Variants in NOTCH2 observed in about 807,000 individuals in gnomAD.
NOTCH2 encodes the protein notch receptor 2.
A neutral mutation model predicts 235.8 loss-of-function variants in NOTCH2; 29 were observed. That is an observed-to-expected ratio of 0.12 (90% CI 0.09 to 0.17). The LOEUF is 0.17. NOTCH2 is among the 10% of genes least tolerant of loss of function. The pLI, the probability that NOTCH2 is intolerant of heterozygous loss-of-function variation, is 1.00. For synonymous variants in NOTCH2, 1,086 were observed against 1,141.5 expected (o/e 0.95, Z 0.98); for missense variants, 2,285 against 3,150.2 (o/e 0.73, Z 6.57).
chr1:119,929,327 G>T (rs1301256385), intron 22 of NOTCH2, 115 bp from the exon 23 acceptor site: 8 of 835,560 alleles, frequency 9.6e-6, no homozygotes, highest in Admixed American at 7.7e-5. Context: ...CTCCTCAACT[G>T]GTAGTGGGAC....
rs1289088300 is a variant in NOTCH2 at position 119,916,741 on chromosome 1, G to C, written c.6028-47C>G. Reference sequence around the variant, plus strand: ...GAACACATGTTAATAACACTCTTGAGAATATAGCAGTTTTTCTCAATCTTT... The same window carrying C: ...GAACACATGTTAATAACACTCTTGACAATATAGCAGTTTTTCTCAATCTTT... On this transcript the variant is annotated intron_variant, in intron 33 of 33. Coordinates refer to ENST00000256646, the MANE Select transcript of NOTCH2 (RefSeq NM_024408.4). 2.5e-6 allele frequency: 4 copies of C among 1,583,686 alleles called. No homozygotes were observed. The South Asian group carries it at 4.5e-5, about 18-fold the overall frequency.
At chr1:119,973,419 T>C (rs1234295311) in intron 5 of NOTCH2, among the ~76,000 whole-genome samples, 1 of 151,912 alleles carries the variant, frequency 6.6e-6, no homozygotes, top group Non-Finnish European at 1.5e-5. Context: ...TGCTAAAGAC[T>C]AAAAATAAAA....
At position 119,915,680 on chromosome 1, in the gene NOTCH2, A is replaced by G. The variant is rs61734328; in HGVS notation, c.7042T>C (p.Leu2348=). 630 of 1,613,212 alleles carry G rather than the reference A, an allele frequency of 3.9e-4. 3 individuals are homozygous for G. The African/African-American group carries it at 7.7e-3, about 20-fold the overall frequency. The change falls in exon 34 of 34, where the codon TTG becomes CTG. Residue 2348 remains leucine (L), a synonymous_variant. Transcript: ENST00000256646. ...TMYQIPEMAR[L]PSVAFPTAMM... ...GCAGTGGGGAAAGCCACACTGGGCA[A>G]ACGGGCCATTTCTGGAATCTGGTAC...
rs771477307 is a variant in NOTCH2, at chr1:119,913,661, G to A, written c.*1645C>T. On this transcript the variant is annotated 3_prime_UTR_variant, in exon 34 of 34. Transcript: ENST00000256646. ...AGAAATTGCCAAGAGCATGAATACA[G>A]AGAGTGGATTCAGGTGAGGGGCAAT... The A allele has an allele frequency of 2.6e-5, 6 of 233,126 alleles. No individual in the cohort carries two copies. The highest frequency in any genetic ancestry group is 4.2e-5 in the Non-Finnish European group (5 of 118,046). The allele number at this position is 233,126 out of a possible 1,614,324, so 14.4% of individuals were successfully genotyped here. A position where few individuals can be genotyped will look rare whatever the true frequency, so the allele number is the denominator to read the frequency against.
At chr1:119,930,881 G>A (rs970680853) in intron 22 of NOTCH2, among the ~76,000 whole-genome samples, 4 of 151,828 alleles carry the variant, frequency 2.6e-5, no homozygotes, top group Non-Finnish European at 5.9e-5. Context: ...GGTGGATCAC[G>A]AGGTCAGGAG....
chr1:119,918,527 A>G lies in NOTCH2; in HGVS notation c.5808T>C (p.Asp1936=). The change falls in exon 32 of 34, where the codon GAT becomes GAC. Residue 1936 remains aspartate, a synonymous_variant. Coordinates refer to ENST00000256646, the MANE Select transcript of NOTCH2 (RefSeq NM_024408.4). ...TACCATCATTCATCCTGGCATCTAG[A>G]TCAGTTACTCGGTTGCGAATCAGAA... ...FQILIRNRVT[D]LDARMNDGTT... 6.2e-7 allele frequency: 1 copy of G among 1,614,164 alleles called. No individual in the cohort carries two copies. Among genetic ancestry groups the G allele is most frequent in the Non-Finnish European group, 8.5e-7 (1 of 1,180,034 alleles).
chr1:120,027,507 G>A (rs1477740639), intron 2 of NOTCH2, among the ~76,000 whole-genome samples: 375 of 149,268 alleles, frequency 2.5e-3, no homozygotes, highest in Non-Finnish European at 4.1e-3. Context: ...TGTGCAGAAT[G>A]TGCAGGTTTG....
chr1:120,060,460 TATATATATATAAAAATAAATC>T (rs1457186038), intron 1 of NOTCH2, among the ~76,000 whole-genome samples: 23 of 149,072 alleles, frequency 1.5e-4, no homozygotes, highest in African/African-American at 5.4e-4. Flanking sequence ...AATATATATA[TATATATATATAAAAATAAATC>T]AACAGCTTTT....
At chr1:119,963,527 G>T in intron 11 of NOTCH2, 47 bp downstream of exon 11, 2 of 1,487,860 alleles carry the variant, frequency 1.3e-6, no homozygotes, top group South Asian at 1.1e-5. Context: ...AAACAGATTT[G>T]AGAAACAGTG....
intron 5 of NOTCH2, among the ~76,000 whole-genome samples, chr1:119,981,934 C>T (rs1374592951): frequency 6.6e-6 from 1 of 151,836 alleles, no homozygotes; most frequent in African/African-American, 2.4e-5. Context: ...ACCTCCATCC[C>T]TATAGTCCTA....
At chr1:120,030,236 G>A (rs1366079839) in intron 1 of NOTCH2, among the ~76,000 whole-genome samples, 1 of 151,974 alleles carries the variant, frequency 6.6e-6, no homozygotes, top group Non-Finnish European at 1.5e-5. Flanking sequence ...ATCTCCAGCT[G>A]TTACATCTCC....
In NOTCH2 at chr1:119,915,640, T is replaced by C; in HGVS notation, c.7082A>G (p.Gln2361Arg). Residue 2361 changes from glutamine (Q) to arginine (R), a missense_variant, in exon 34 of 34, where the codon CAG (glutamine) becomes CGG (arginine). By Grantham distance (43) the Gln-to-Arg change is conservative. Around this residue, in one of 6 missense-constraint regions of NOTCH2, gnomAD observed 504 missense variants for 538.0 expected, o/e 0.94. Coordinates refer to ENST00000256646, the MANE Select transcript of NOTCH2 (RefSeq NM_024408.4). ...AATGGTCTGAGCTACCTGCCCGTCC[T>C]GCTGGGGCATCATGGCAGTGGGGAA... ...VAFPTAMMPQ[Q>R]DGQVAQTILP... 6.2e-7 allele frequency: 1 copy of C among 1,614,038 alleles called. No individual in the cohort carries two copies. The highest frequency in any genetic ancestry group is 1.1e-5 in the South Asian group (1 of 91,082).
intron 8 of NOTCH2, 119 bp downstream of exon 8, chr1:119,967,314 A>G (rs1210885875): frequency 1.2e-5 from 12 of 963,638 alleles, no homozygotes; most frequent in Non-Finnish European, 2.0e-5. Context: ...CCCAGTCAGC[A>G]AAGGAAATCA....
intron 7 of NOTCH2, among the ~76,000 whole-genome samples, 169 bp from the exon 8 acceptor site, chr1:119,967,790 T>A (rs1227274383): frequency 6.6e-6 from 1 of 152,166 alleles, no homozygotes; most frequent in Admixed American, 6.5e-5. Flanking sequence ...AAGCGGAGTA[T>A]CCTCAACTGT....
chr1:119,936,607 G>C (rs891174483), intron 21 of NOTCH2, among the ~76,000 whole-genome samples: 1 of 152,090 alleles, frequency 6.6e-6, no homozygotes, highest in African/African-American at 2.4e-5. Context: ...AACAACCTAG[G>C]GGCCAAAATA....
chr1:119,980,314 A>T (rs986258398), intron 5 of NOTCH2, among the ~76,000 whole-genome samples: 1 of 152,026 alleles, frequency 6.6e-6, no homozygotes, highest in Non-Finnish European at 1.5e-5. Flanking sequence ...CCCACTAAAA[A>T]CTGTAAGAGT....
intron 5 of NOTCH2, among the ~76,000 whole-genome samples, chr1:119,977,792 A>T (rs1651647677): frequency 1.3e-5 from 2 of 152,332 alleles, no homozygotes; most frequent in South Asian, 4.1e-4. Context: ...GTGAATTTGG[A>T]GATGAGGTTG....
At chr1:119,982,619 C>T (rs587617883) in intron 5 of NOTCH2, among the ~76,000 whole-genome samples, 8 of 152,356 alleles carry the variant, frequency 5.3e-5, no homozygotes, top group African/African-American at 1.4e-4. Context: ...ATAATAAAGA[C>T]GTTTGTGCTC....
chr1:120,007,641 C>T (rs1431195763), intron 2 of NOTCH2, among the ~76,000 whole-genome samples: 7 of 151,736 alleles, frequency 4.6e-5, no homozygotes, highest in African/African-American at 9.7e-5. Flanking sequence ...AGTGAGCCAA[C>T]GAGATTGTGC....
Sources: allele counts gnomAD v4.1 joint callset (sites outside exome capture counted in the v4.1 genomes callset), GRCh38; gene constraint gnomAD v4.1.1; regional missense constraint gnomAD v4.1.1; transcripts MANE v1.5; gene names NCBI Gene and HGNC (gene_info 2026-07-23, HGNC 2026-07-21).